The following ZNF69 variants were observed in gnomAD, a reference collection of about 807,000 sequenced individuals.
ZNF69 encodes the protein ZNF3.
A neutral mutation model predicts 50.9 loss-of-function variants in ZNF69; 47 were observed. The ratio of observed to expected loss-of-function variants is 0.92; its 90% CI spans 0.73 to 1.18. ZNF69 has a LOEUF of 1.18. Among genes scored for constraint, ZNF69 ranks in the 50% most tolerant of loss-of-function variants. ZNF69 has a pLI of 0.00. For synonymous variants in ZNF69, 216 were observed against 223.1 expected (o/e 0.97, Z 0.29); for missense variants, 717 against 675.1 (o/e 1.06, Z -0.69).
chr19:11,926,550 TCC>T, the ZNF69 span: 1 of 153,026 alleles, frequency 6.5e-6, no homozygotes, highest in Non-Finnish European at 1.5e-5. Flanking sequence ...CACTATGCCC[TCC>T]TAATTTTTGT....
chr19:11,955,614 C>T, the ZNF69 span, among the ~76,000 whole-genome samples: 1 of 152,056 alleles, frequency 6.6e-6, no homozygotes, highest in Non-Finnish European at 1.5e-5. Flanking sequence ...TCATTTCTAA[C>T]AGTTTCAGGG....
chr19:11,958,244 G>A, the ZNF69 span, among the ~76,000 whole-genome samples: 7 of 149,830 alleles, frequency 4.7e-5, no homozygotes, highest in Admixed American at 3.3e-4. Context: ...ACTGTGGGTA[G>A]TTCTATCAAA....
the ZNF69 span, among the ~76,000 whole-genome samples, chr19:11,953,996 C>G: frequency 1.3e-5 from 2 of 152,122 alleles, no homozygotes; most frequent in Non-Finnish European, 2.9e-5. Context: ...TGAAAATGCT[C>G]ATTTTTACGT....
At chr19:11,917,788 G>GTTTTT (rs1568285499), downstream of ZNF69, among the ~76,000 whole-genome samples, 1 of 84,630 alleles carries the variant, frequency 1.2e-5, no homozygotes, top group Non-Finnish European at 2.3e-5. Context: ...ACCACACCCT[G>GTTTTT]CTTTTTTTTT....
the ZNF69 span, among the ~76,000 whole-genome samples, chr19:11,921,599 G>A: frequency 5.9e-5 from 9 of 151,646 alleles, no homozygotes; most frequent in Admixed American, 5.9e-4. Context: ...CAACTCCCGG[G>A]TTCAAGCGAT....
chr19:11,910,098 G>A (rs1324342855), downstream of ZNF69, among the ~76,000 whole-genome samples: 1 of 151,752 alleles, frequency 6.6e-6, no homozygotes, highest in Non-Finnish European at 1.5e-5. Flanking sequence ...AAAATACCTA[G>A]GAATCCAACT....
chr19:11,892,692 T>C (rs1977125468), intron 1 of ZNF69, among the ~76,000 whole-genome samples: 1 of 152,098 alleles, frequency 6.6e-6, no homozygotes, highest in African/African-American at 2.4e-5. Flanking sequence ...CAAAACACTA[T>C]AGGTAAGAAA....
chr19:11,978,983 T>A, the ZNF69 span: 1 of 1,614,178 alleles, frequency 6.2e-7, no homozygotes, highest in Non-Finnish European at 8.5e-7. Context: ...CGTATCCCAG[T>A]TCCCTTCGTA....
the ZNF69 span, among the ~76,000 whole-genome samples, chr19:11,974,863 A>G: frequency 6.6e-6 from 1 of 152,164 alleles, no homozygotes; most frequent in African/African-American, 2.4e-5. Flanking sequence ...TTGGCCTTGC[A>G]AGGTGCTGGG....
intron 1 of ZNF69, among the ~76,000 whole-genome samples, chr19:11,900,414 G>A (rs1309097423): frequency 2.6e-5 from 4 of 151,330 alleles, no homozygotes; most frequent in South Asian, 2.1e-4. Flanking sequence ...GGGCAGTGGC[G>A]TGATCTCGGC....
chr19:11,975,064 TGCA>T, the ZNF69 span, among the ~76,000 whole-genome samples: 1 of 152,166 alleles, frequency 6.6e-6, no homozygotes, highest in African/African-American at 2.4e-5. Context: ...TGATGTTTCT[TGCA>T]TGTCATAGTA....
At chr19:11,932,078 G>A in the ZNF69 span, among the ~76,000 whole-genome samples, 64 of 147,220 alleles carry the variant, frequency 4.3e-4, no homozygotes, top group Non-Finnish European at 7.7e-4. Flanking sequence ...TCCCAAGATC[G>A]TGCCATTGCA....
At chr19:11,908,276 T>C (rs1972407994), downstream of ZNF69, among the ~76,000 whole-genome samples, 1 of 152,242 alleles carries the variant, frequency 6.6e-6, no homozygotes, top group South Asian at 2.1e-4. Flanking sequence ...GACAGAAAGT[T>C]AACAAGGATA....
the ZNF69 span, chr19:11,978,658 T>A: frequency 1.5e-5 from 25 of 1,613,916 alleles, no homozygotes; most frequent in Admixed American, 4.0e-4. Context: ...ACCCATCGAA[T>A]ACATGAAAGA....
chr19:11,906,964 A>G (rs1972386585), downstream of ZNF69, among the ~76,000 whole-genome samples: 1 of 152,214 alleles, frequency 6.6e-6, no homozygotes, highest in Non-Finnish European at 1.5e-5. Context: ...TAGAATAAAC[A>G]GTGTAGAGAA....
intron 2 of ZNF69, 70 bp from the exon 3 acceptor site, chr19:11,903,835 G>A: frequency 1.9e-6 from 3 of 1,606,502 alleles, no homozygotes; most frequent in East Asian, 2.2e-5. Context: ...TAAATCATGG[G>A]CATAGAATCT....
chr19:11,936,281 T>A, the ZNF69 span, among the ~76,000 whole-genome samples: 1 of 152,192 alleles, frequency 6.6e-6, no homozygotes, highest in Non-Finnish European at 1.5e-5. Context: ...CCACAATGGT[T>A]GAACTAGTTT....
At chr19:11,950,268 T>A in the ZNF69 span, 1 of 1,595,868 alleles carries the variant, frequency 6.3e-7, no homozygotes, top group Non-Finnish European at 8.5e-7. Context: ...GTTCCTTTTA[T>A]GGACATGAAT....
At chr19:11,917,291 T>C (rs1599269790), downstream of ZNF69, among the ~76,000 whole-genome samples, 1 of 152,244 alleles carries the variant, frequency 6.6e-6, no homozygotes, top group Non-Finnish European at 1.5e-5. Context: ...AACCTTCCAC[T>C]GACTCACAGT....
Sources: allele counts gnomAD v4.1 joint callset (sites outside exome capture counted in the v4.1 genomes callset), GRCh38; gene constraint gnomAD v4.1.1; transcripts MANE v1.5; gene names NCBI Gene and HGNC (gene_info 2026-07-23, HGNC 2026-07-21).